Variants in R3HDM1 observed in about 807,000 individuals in gnomAD.
R3HDM1 encodes R3H domain-containing protein 1.
A neutral mutation model predicts 141.1 loss-of-function variants in R3HDM1; 46 were observed. The observed-to-expected ratio is 0.33, with a 90% CI of 0.26 to 0.42. The LOEUF is 0.42. R3HDM1 is among the 10% of genes least tolerant of loss of function. The probability of loss-of-function intolerance (pLI) is 1.00; values close to 1 mark genes in which losing one functional copy is unlikely to be tolerated. For synonymous variants in R3HDM1, 435 were observed against 472.9 expected (o/e 0.92, Z 1.04); for missense variants, 1,184 against 1,368.3 (o/e 0.87, Z 2.12).
chr2:135,548,429 A>G (rs1699185858), intron 1 of R3HDM1, among the ~76,000 whole-genome samples: 1 of 152,238 alleles, frequency 6.6e-6, no homozygotes, highest in Admixed American at 6.5e-5. Flanking sequence ...TTAAAGGCAC[A>G]TATGCATTTA....
chr2:135,578,755 G>A (rs947363802), intron 1 of R3HDM1, among the ~76,000 whole-genome samples: 1 of 152,138 alleles, frequency 6.6e-6, no homozygotes, highest in African/African-American at 2.4e-5. Context: ...CAGAGGTATC[G>A]CTTAGGAATT....
At chr2:135,540,518 G>A (rs1212611861) in intron 1 of R3HDM1, among the ~76,000 whole-genome samples, 1 of 152,158 alleles carries the variant, frequency 6.6e-6, no homozygotes, top group Admixed American at 6.5e-5. Context: ...CTTGAACTTT[G>A]GGGCTCAAGC....
intron 1 of R3HDM1, among the ~76,000 whole-genome samples, chr2:135,573,928 T>G (rs1704746717): frequency 6.6e-6 from 1 of 151,742 alleles, no homozygotes; most frequent in Non-Finnish European, 1.5e-5. Context: ...TCTGAAAAAA[T>G]GAACATAAAT....
chr2:135,568,005 G>A lies in R3HDM1; in HGVS notation c.-249-34495G>A, dbSNP rs144319783. ...GGCCTAAAGGGATCCTCCTGCCTTGGCCTCCCAAAGTGCTGGGATTACAGG... is the reference window on the plus strand; with the variant it reads ...GGCCTAAAGGGATCCTCCTGCCTTGACCTCCCAAAGTGCTGGGATTACAGG... On this transcript the variant is annotated intron_variant, in intron 1 of 26. Coordinates refer to ENST00000683871, the MANE Select transcript of R3HDM1 (RefSeq NM_001378107.1). Among the ~76,000 whole-genome samples, 639 of 149,954 alleles carry A rather than the reference G, an allele frequency of 4.3e-3. 4 individuals carry two copies. The highest frequency in any genetic ancestry group is 0.015 in the African/African-American group (599 of 40,388).
At chr2:135,629,132 TGTG>T (rs2062370134) in intron 7 of R3HDM1, among the ~76,000 whole-genome samples, 1 of 151,594 alleles carries the variant, frequency 6.6e-6, no homozygotes, top group Non-Finnish European at 1.5e-5. Flanking sequence ...GCCTGGACAA[TGTG>T]GTGAAACCCT....
At chr2:135,661,486 C>T (rs552587386) in intron 19 of R3HDM1, 93 bp downstream of exon 19, 20 of 1,453,726 alleles carry the variant, frequency 1.4e-5, no homozygotes, top group Non-Finnish European at 1.8e-5. Flanking sequence ...TACTCAGTCT[C>T]TCAGGATCTC....
At chr2:135,653,650 G>T (rs1485041901) in intron 18 of R3HDM1, among the ~76,000 whole-genome samples, 2 of 151,980 alleles carry the variant, frequency 1.3e-5, no homozygotes, top group African/African-American at 2.4e-5. Context: ...TTTTGTTATT[G>T]ATTTCTGTTT....
chr2:135,647,295 T>C (rs1342744322), intron 16 of R3HDM1, among the ~76,000 whole-genome samples: 1 of 152,254 alleles, frequency 6.6e-6, no homozygotes, highest in Non-Finnish European at 1.5e-5. Context: ...CTCTTTATTA[T>C]GCTGTCATGT....
chr2:135,599,820 G>A (rs906661368), intron 1 of R3HDM1, among the ~76,000 whole-genome samples: 11 of 152,154 alleles, frequency 7.2e-5, no homozygotes, highest in African/African-American at 2.2e-4. Context: ...TTACTTGAGC[G>A]CAGGAATTTG....
At chr2:135,677,936 G>A (rs940658281) in intron 20 of R3HDM1, among the ~76,000 whole-genome samples, 2 of 151,458 alleles carry the variant, frequency 1.3e-5, no homozygotes, top group African/African-American at 4.9e-5. Context: ...GCTCTCTCTC[G>A]CTCGCTCTCT....
chr2:135,644,521 AGAG>A (rs1045076074), intron 15 of R3HDM1, among the ~76,000 whole-genome samples: 2 of 152,172 alleles, frequency 1.3e-5, no homozygotes, highest in African/African-American at 4.8e-5. Context: ...AAAACAGAAA[AGAG>A]GTTGTAAAAT....
chr2:135,687,945 T>C (rs2071638851), intron 21 of R3HDM1, among the ~76,000 whole-genome samples: 1 of 152,234 alleles, frequency 6.6e-6, no homozygotes, highest in Admixed American at 6.5e-5. Context: ...GTAGACTTTG[T>C]ATTTGCAAAT....
In R3HDM1 at chr2:135,651,759, C is replaced by G. The variant is rs1391691698; in HGVS notation, c.1755C>G (p.His585Gln). The G allele has an allele frequency of 6.2e-7, 1 of 1,613,548 alleles. No homozygotes were observed. Among genetic ancestry groups the G allele is most frequent in the South Asian group, 1.1e-5 (1 of 90,922 alleles). The stretch of plus-strand genomic sequence containing the variant: ...ATAACCTAGGGTCTCAGTTTAGCCA[C>G]ATGAGTCTTGCTCGCCAGCCATCTG... ...VQDNLGSQFS[H>Q]MSLARQPSAD... Residue 585 changes from histidine to glutamine, a missense_variant, in exon 18 of 27, where the codon CAC (histidine) becomes CAG (glutamine). His to Gln is a conservative substitution (Grantham distance 24). This residue lies in a region of R3HDM1 where 563 missense variants were observed against 562.0 expected (regional missense o/e 1.00). Coordinates refer to ENST00000683871, the MANE Select transcript of R3HDM1 (RefSeq NM_001378107.1).
chr2:135,561,526 G>T (rs1338415797), intron 1 of R3HDM1, among the ~76,000 whole-genome samples: 1 of 152,002 alleles, frequency 6.6e-6, no homozygotes, highest in South Asian at 2.1e-4. Flanking sequence ...TGACCAGTCT[G>T]GGCAACATGG....
At chr2:135,710,298 G>A in intron 23 of R3HDM1, 67 bp downstream of exon 23, 1 of 1,485,726 alleles carries the variant, frequency 6.7e-7, no homozygotes, top group African/African-American at 1.4e-5. Flanking sequence ...TGACTTATAA[G>A]GCTTGAATTT....
intron 11 of R3HDM1, among the ~76,000 whole-genome samples, chr2:135,638,414 G>C (rs1574583428): frequency 6.6e-6 from 1 of 152,224 alleles, no homozygotes; most frequent in Non-Finnish European, 1.5e-5. Context: ...ATAGTTTCAA[G>C]ATATGTATAT....
chr2:135,558,946 A>G (rs1040037075), intron 1 of R3HDM1: 7 of 896,780 alleles, frequency 7.8e-6, no homozygotes, highest in Middle Eastern at 1.2e-3. Flanking sequence ...ATGTAATTTA[A>G]AAAGTTTAAA....
intron 21 of R3HDM1, among the ~76,000 whole-genome samples, chr2:135,702,357 G>A (rs1310999992): frequency 6.6e-6 from 1 of 151,754 alleles, no homozygotes; most frequent in Non-Finnish European, 1.5e-5. Context: ...AACCCCGTCT[G>A]TACTAAAAAA....
In R3HDM1 at chr2:135,534,143, T is replaced by C. The variant is rs147332465; in HGVS notation, c.-250+2510T>C. On this transcript the variant is annotated intron_variant, in intron 1 of 26. Coordinates refer to ENST00000683871, the MANE Select transcript of R3HDM1 (RefSeq NM_001378107.1). Reference sequence around the variant, plus strand: ...TATGGAAGTTTTTTTGACTTTGAATTAAAATGCAAGTGTCTGTGGAATACA... The same window carrying C: ...TATGGAAGTTTTTTTGACTTTGAATCAAAATGCAAGTGTCTGTGGAATACA... Among the ~76,000 whole-genome samples the C allele has an allele frequency of 3.2e-4, 48 of 152,330 alleles. 1 individual carries two copies. The highest frequency in any genetic ancestry group is 1.1e-3 in the African/African-American group (44 of 41,568).
Sources: allele counts gnomAD v4.1 joint callset (sites outside exome capture counted in the v4.1 genomes callset), GRCh38; gene constraint gnomAD v4.1.1; regional missense constraint gnomAD v4.1.1; transcripts MANE v1.5; gene names NCBI Gene and HGNC (gene_info 2026-07-23, HGNC 2026-07-21).